The following DLGAP5 variants were observed in gnomAD, a reference collection of about 807,000 sequenced individuals.
DLGAP5 encodes the protein DLG associated protein 5, also known as disks large-associated protein 5.
In DLGAP5, 90 loss-of-function variants were observed where a neutral mutation model predicts 99.6. The observed-to-expected ratio is 0.90, with a 90% CI of 0.76 to 1.08. The LOEUF (loss-of-function observed/expected upper bound fraction) is 1.08. DLGAP5 is among the 50% of genes least tolerant of loss of function. The pLI is 0.00. For synonymous variants in DLGAP5, 311 were observed against 321.3 expected, an observed-to-expected ratio of 0.97 and a Z score of 0.34; for missense variants, 1,036 against 983.5, an observed-to-expected ratio of 1.05 and a Z score of -0.71.
Position 55,158,560 on chromosome 14 carries a change from C to T in DLGAP5, c.1835G>A (p.Gly612Glu). ...KEVDKIVFDA[G>E]FFRVESPVKL... ...AACAGGACTTTCAACTCTGAAAAAT[C>T]CAGCATCGAACACTATTTTATCAAC... Residue 612 changes from glycine (G) to glutamate (E), a missense_variant, in exon 14 of 19, where the codon GGA (glycine) becomes GAA (glutamate). By Grantham distance (98) the Gly-to-Glu change is moderately conservative. Transcript: ENST00000247191. The T allele has an allele frequency of 6.2e-7, 1 of 1,613,996 alleles. No homozygotes were observed. The highest frequency in any genetic ancestry group is 8.5e-7 in the Non-Finnish European group (1 of 1,179,956).
At chr14:55,169,589 A>G in intron 11 of DLGAP5, 30 bp from the exon 12 acceptor site, 2 of 1,535,300 alleles carry the variant, frequency 1.3e-6, no homozygotes, top group Non-Finnish European at 1.7e-6. Flanking sequence ...TTTTAAAATT[A>G]AAGGACAAAA....
intron 16 of DLGAP5, 133 bp downstream of exon 16, chr14:55,152,457 C>A (rs1882051834): frequency 6.6e-6 from 4 of 602,582 alleles, no homozygotes; most frequent in Non-Finnish European, 1.0e-5. Flanking sequence ...GTCATTGAAA[C>A]AAGAACTACA....
chr14:55,151,415 C>T (rs1159655006), intron 17 of DLGAP5, among the ~76,000 whole-genome samples: 4 of 151,842 alleles, frequency 2.6e-5, no homozygotes, highest in East Asian at 1.9e-4. Flanking sequence ...TAGCTAGGCG[C>T]GGTGGTACAT....
chr14:55,187,055 C>T (rs554014119), intron 2 of DLGAP5, among the ~76,000 whole-genome samples: 3 of 151,764 alleles, frequency 2.0e-5, no homozygotes, highest in South Asian at 4.2e-4. Flanking sequence ...ACTACAGGCA[C>T]GCGCCACACC....
chr14:55,174,348 G>A (rs549755797), intron 10 of DLGAP5, among the ~76,000 whole-genome samples: 8 of 152,320 alleles, frequency 5.3e-5, no homozygotes, highest in South Asian at 2.1e-4. Flanking sequence ...AATGGTGCCC[G>A]AAACTTCATT....
At chr14:55,171,149 C>T (rs955366490) in intron 10 of DLGAP5, among the ~76,000 whole-genome samples, 1 of 152,176 alleles carries the variant, frequency 6.6e-6, no homozygotes, top group African/African-American at 2.4e-5. Flanking sequence ...GCCAACTCAA[C>T]TGTCAAGAGT....
chr14:55,159,265 G>A (rs1161574907), intron 13 of DLGAP5, among the ~76,000 whole-genome samples: 1 of 151,998 alleles, frequency 6.6e-6, no homozygotes, highest in African/African-American at 2.4e-5. Context: ...AAAGAAAAGT[G>A]GATTTAAACA....
At chr14:55,156,103 G>C (rs1300389456) in intron 14 of DLGAP5, among the ~76,000 whole-genome samples, 2 of 150,584 alleles carry the variant, frequency 1.3e-5, no homozygotes, top group African/African-American at 2.4e-5. Flanking sequence ...AAAAAAAAAA[G>C]AAAGAAAAAT....
At chr14:55,177,465 C>A in intron 7 of DLGAP5, 129 bp from the exon 8 acceptor site, 2 of 793,868 alleles carry the variant, frequency 2.5e-6, no homozygotes, top group Non-Finnish European at 3.7e-6. Context: ...GAGACAAAAA[C>A]AGATACAATT....
rs1050598397 is a variant in DLGAP5 at position 55,182,318 on chromosome 14, T to C, written c.495+52A>G. The stretch of plus-strand genomic sequence containing the variant: ...CTAGATTTAAAATGAATTTACTTAC[T>C]AAAAAAGTGCAATTTATCATTTTAG... On this transcript the variant is annotated intron_variant, in intron 4 of 18. Transcript: ENST00000247191. 4.1e-6 allele frequency: 6 copies of C among 1,473,298 alleles called. No individual in the cohort carries two copies. The African/African-American group carries it at 5.6e-5, about 14-fold the overall frequency. The allele number at this position is 1,473,298 out of a possible 1,614,324, so 91.3% of individuals were successfully genotyped here.
intron 12 of DLGAP5, among the ~76,000 whole-genome samples, chr14:55,164,730 C>T (rs548191410): frequency 7.9e-5 from 12 of 151,784 alleles, no homozygotes; most frequent in Non-Finnish European, 7.4e-5. Context: ...AAGACCAGCC[C>T]GGCCAACGTA....
intron 2 of DLGAP5, among the ~76,000 whole-genome samples, chr14:55,187,186 C>A (rs1883460695): frequency 6.6e-6 from 1 of 152,034 alleles, no homozygotes; most frequent in Non-Finnish European, 1.5e-5. Flanking sequence ...TAGGTATGAG[C>A]CACCGCATCT....
chr14:55,173,872 C>T (rs796868088), intron 10 of DLGAP5, among the ~76,000 whole-genome samples: 25 of 152,234 alleles, frequency 1.6e-4, no homozygotes, highest in African/African-American at 5.5e-4. Context: ...ATCCTGTCAG[C>T]TGAGGAGGAT....
chr14:55,163,043 C>T lies in DLGAP5; in HGVS notation c.1581G>A (p.Leu527=). 1 of 1,598,588 alleles carries T rather than the reference C, an allele frequency of 6.3e-7. No homozygotes were observed. The highest frequency in any genetic ancestry group is 1.1e-5 in the South Asian group (1 of 88,030). The change falls in exon 13 of 19, where the codon CTG becomes CTA. Residue 527 remains leucine, a synonymous_variant. Transcript: ENST00000247191. ...GCCACCCAGATTCCTCAAGTTTGAT[C>T]AGATTGTTGAATTTGTGGATTACAT... ...IEDVIHKFNN[L]IKLEESGWQV...
chr14:55,175,602 T>G (rs1594677860), intron 9 of DLGAP5, 130 bp from the exon 10 acceptor site: 2 of 679,188 alleles, frequency 2.9e-6, no homozygotes, highest in East Asian at 2.9e-5. Context: ...CTCAATCACT[T>G]CACATTTCCT....
chr14:55,171,221 T>C (rs1403219399), intron 10 of DLGAP5, among the ~76,000 whole-genome samples: 1 of 152,160 alleles, frequency 6.6e-6, no homozygotes, highest in East Asian at 1.9e-4. Flanking sequence ...AGATCCTAAT[T>C]ATTAGGCTTT....
At chr14:55,172,764 A>T (rs1882904605) in intron 10 of DLGAP5, among the ~76,000 whole-genome samples, 1 of 151,976 alleles carries the variant, frequency 6.6e-6, no homozygotes, top group African/African-American at 2.4e-5. Flanking sequence ...CAAGCGGATC[A>T]CAAGGTCAGG....
intron 18 of DLGAP5, 181 bp downstream of exon 18, chr14:55,150,618 C>A: frequency 4.7e-6 from 2 of 421,120 alleles, no homozygotes; most frequent in Non-Finnish European, 8.5e-6. Context: ...AATATTAAAA[C>A]ATACTATATT....
chr14:55,164,846 C>T (rs976352957), intron 12 of DLGAP5, among the ~76,000 whole-genome samples: 11 of 149,440 alleles, frequency 7.4e-5, no homozygotes, highest in African/African-American at 2.0e-4. Flanking sequence ...TGCTTGAACC[C>T]GGAAGGCAGA....
Sources: gnomAD v4.1 joint callset for allele counts (sites outside exome capture counted in the v4.1 genomes callset) on GRCh38, gnomAD v4.1.1 for gene constraint, MANE v1.5 for transcripts, NCBI Gene and HGNC (gene_info 2026-07-23, HGNC 2026-07-21) for gene names.